SLC24A5: variants seen among roughly 807,000 people sequenced by gnomAD.
The protein encoded by SLC24A5 is solute carrier family 24 member 5.
SLC24A5 carries 46 observed loss-of-function variants against 51.6 expected under a neutral mutation model. That is an observed-to-expected ratio of 0.89 (90% confidence interval 0.70 to 1.14). The LOEUF (loss-of-function observed/expected upper bound fraction) is 1.14. Among genes scored for constraint, SLC24A5 ranks in the 50% most tolerant of loss-of-function variants. The probability of loss-of-function intolerance (pLI) is 0.00; values close to 1 mark genes in which losing one functional copy is unlikely to be tolerated. For synonymous variants in SLC24A5, 230 were observed against 214.9 expected (o/e 1.07, Z -0.62); for missense variants, 581 against 604.1 (o/e 0.96, Z 0.40).
At chr15:48,134,779 A>G in intron 4 of SLC24A5, 105 bp from the exon 5 acceptor site, 1 of 941,560 alleles carries the variant, frequency 1.1e-6, no homozygotes, top group Non-Finnish European at 1.6e-6. Flanking sequence ...TATGCAAAAG[A>G]TAACAATATT....
rs1381794462 is a variant in SLC24A5 at position 48,134,388 on chromosome 15, T to C, written c.385+47T>C. On this transcript the variant is annotated intron_variant, in intron 3 of 8. Transcript: ENST00000341459. ...TCTTGCTTACTCAGTGTGATTTTTA[T>C]TTTCTTCAAGTTAACACTAACTTAG... 2.5e-6 allele frequency: 4 copies of C among 1,610,598 alleles called. No individual in the cohort carries two copies. The Admixed American group carries it at 6.7e-5, about 27-fold the overall frequency.
Position 48,121,851 on chromosome 15 carries a change from T to G in SLC24A5, c.122-6T>G. 6.2e-7 allele frequency: 1 copy of G among 1,613,904 alleles called. No individual in the cohort carries two copies. The highest frequency in any genetic ancestry group is 1.3e-5 in the African/African-American group (1 of 75,040). Reference sequence around the variant, plus strand: ...CTTCAAACTTTCACCTCCTTTTCCTTAACAGGAAATAGCACCCAATGTGTT... The same window carrying G: ...CTTCAAACTTTCACCTCCTTTTCCTGAACAGGAAATAGCACCCAATGTGTT... On this transcript the variant is annotated splice_region_variant and splice_polypyrimidine_tract_variant and intron_variant, in intron 1 of 8. Transcript: ENST00000341459.
chr15:48,135,016 T>C (rs748790297), intron 5 of SLC24A5, 32 bp downstream of exon 5: 2 of 1,521,724 alleles, frequency 1.3e-6, no homozygotes, highest in Admixed American at 3.7e-5. Flanking sequence ...ATGTAAAAAT[T>C]AGAGATTTTA....
intron 2 of SLC24A5, chr15:48,122,308 TTGTTA>T (rs1735872419): frequency 5.2e-6 from 3 of 580,472 alleles, no homozygotes; most frequent in South Asian, 2.3e-5. Flanking sequence ...GCCTGGATGT[TTGTTA>T]TAAGAACTGT....
chr15:48,141,167 G>T lies in SLC24A5; in HGVS notation c.1133G>T (p.Gly378Val). Residue 378 changes from glycine (G) to valine (V), a missense_variant, in exon 8 of 9, where the codon GGA (glycine) becomes GTA (valine). Gly to Val is a moderately radical substitution (Grantham distance 109, BLOSUM62 -3). Transcript: ENST00000341459. ...ATGGGCCTTACTTTATTAGCAGCAG[G>T]AACAAGCATACCAGACACAATTGCA... ...TVMGLTLLAAGTSIPDTIASV... is the reference protein window; with the variant it reads ...TVMGLTLLAAVTSIPDTIASV... 6.2e-7 allele frequency: 1 copy of T among 1,613,898 alleles called. No homozygotes were observed. The highest frequency in any genetic ancestry group is 1.1e-5 in the South Asian group (1 of 91,068).
Position 48,138,973 on chromosome 15 carries a change from A to C in SLC24A5, c.876A>C (p.Pro292=). The C allele has an allele frequency of 6.2e-7, 1 of 1,611,568 alleles. No individual in the cohort carries two copies. The highest frequency in any genetic ancestry group is 8.5e-7 in the Non-Finnish European group (1 of 1,178,644). The change falls in exon 7 of 9, where the codon CCA becomes CCC. Residue 292 remains proline, a synonymous_variant. Transcript: ENST00000341459. ...TGTTTACTTTTTCCACAACAGATCC[A>C]CCAAGTGTTTTCAACATGCCTGAAG... ...LHGLSQVSED[P]PSVFNMPEAD...
At position 48,122,010 on chromosome 15, in the gene SLC24A5, T is replaced by C; in HGVS notation, c.275T>C (p.Leu92Pro). ...AISIVCDEYF[L>P]PSLEIISESL... ...TCTATTGTCTGTGATGAATACTTCC[T>C]ACCCTCCCTGGAAATCATCAGTGAA... Residue 92 changes from leucine (L) to proline (P), a missense_variant, in exon 2 of 9, where the codon CTA (leucine) becomes CCA (proline). Physicochemically the swap from Leu to Pro is moderately conservative, Grantham distance 98 (BLOSUM62 -3). Coordinates refer to ENST00000341459, the MANE Select transcript of SLC24A5 (RefSeq NM_205850.3). The C allele has an allele frequency of 3.1e-6, 5 of 1,614,208 alleles. No individual in the cohort carries two copies. The highest frequency in any genetic ancestry group is 4.2e-6 in the Non-Finnish European group (5 of 1,180,032).
rs1753228784 is a variant in SLC24A5 at position 48,142,438 on chromosome 15, A to C, written c.*87A>C. On this transcript the variant is annotated 3_prime_UTR_variant, in exon 9 of 9. Transcript: ENST00000341459. ...TTTCTTCATTTAAATCAAATTTTAA[A>C]AATCTTGAACCTTAGAATCTAAAAC... is the stretch of plus-strand genomic sequence containing the variant. 2 of 1,072,560 alleles carry C rather than the reference A, an allele frequency of 1.9e-6. No homozygotes were observed. The highest frequency in any genetic ancestry group is 4.2e-5 in the South Asian group (2 of 47,102). 66.4% of individuals were successfully genotyped at this position (1,072,560 alleles called of 1,614,324 possible).
rs915911250 is a variant in SLC24A5, at chr15:48,140,551, CATATGT to C, written c.1079-561_1079-556del. On this transcript the variant is annotated intron_variant, in intron 7 of 8. Transcript: ENST00000341459. ...AACAGAAGTATTAATAAATTGGGAC[CATATGT>C]TAGACTCAAGTAGAAAACAGGTTTT... 9.3e-4 allele frequency: 142 copies of C among 152,120 alleles called. 1 individual carries two copies. Among genetic ancestry groups the C allele is most frequent in the African/African-American group, 3.4e-3 (140 of 41,470 alleles). The allele number at this position is 152,120 out of a possible 1,614,324, so 9.4% of individuals were successfully genotyped here.
In SLC24A5 at chr15:48,125,291, T is replaced by TTA. The variant is rs761420598; in HGVS notation, c.301+3269_301+3270dup. 1.3e-3 allele frequency among the ~76,000 whole-genome samples: 190 copies of TTA among 148,452 alleles called. 3 individuals carry two copies. The highest frequency in any genetic ancestry group is 6.8e-3 in the Admixed American group (100 of 14,796). The stretch of plus-strand genomic sequence containing the variant: ...TATGGTTTATATAATATATATGATT[T>TTA]TATATATATATATATGGTTTCACTT... On this transcript the variant is annotated intron_variant, in intron 2 of 8. Coordinates refer to ENST00000341459, the MANE Select transcript of SLC24A5 (RefSeq NM_205850.3).
intron 6 of SLC24A5, chr15:48,137,810 C>T (rs1455947630): frequency 6.6e-6 from 1 of 152,064 alleles, no homozygotes; most frequent in Non-Finnish European, 1.5e-5. Flanking sequence ...AGAAAAACAG[C>T]TGAGGTTTAC....
intron 2 of SLC24A5, chr15:48,123,354 T>G (rs2140705922): frequency 6.6e-6 from 1 of 151,918 alleles, no homozygotes; most frequent in Non-Finnish European, 1.5e-5. Context: ...TAAAATCACC[T>G]GTATTTCCAT....
At position 48,139,082 on chromosome 15, in the gene SLC24A5, T is replaced by A; in HGVS notation, c.985T>A (p.Phe329Ile). 1 of 1,613,200 alleles carries A rather than the reference T, an allele frequency of 6.2e-7. No individual in the cohort carries two copies. Among genetic ancestry groups the A allele is most frequent in the Non-Finnish European group, 8.5e-7 (1 of 1,179,380 alleles). The change falls in exon 7 of 9, where the codon TTT becomes ATT. Residue 329 changes from phenylalanine to isoleucine, a missense_variant. Transcript: ENST00000341459. ...FLTTPDCRKK[F>I]WKNYFVITFF... ...AACCACACCAGATTGTAGAAAAAAG[T>A]TTTGGAAAAACTACTTTGTGATAAC...
rs1459978413 is a variant in SLC24A5, at chr15:48,136,915, T to C, written c.823T>C (p.Tyr275His). 1.2e-6 allele frequency: 2 copies of C among 1,613,850 alleles called. No homozygotes were observed. The highest frequency in any genetic ancestry group is 2.2e-5 in the South Asian group (2 of 91,062). ...TGGAATATTTTATGAAGATTCTGGC[T>C]ACTCTCAGCTCTCTATAAGTTTACA... ...DSGIFYEDSGYSQLSISLHGL... is the reference protein window; with the variant it reads ...DSGIFYEDSGHSQLSISLHGL... Residue 275 changes from tyrosine to histidine, a missense_variant, in exon 6 of 9, where the codon TAC (tyrosine) becomes CAC (histidine). Coordinates refer to ENST00000341459, the MANE Select transcript of SLC24A5 (RefSeq NM_205850.3).
chr15:48,133,432 CTTAA>C (rs1238661875), intron 2 of SLC24A5, among the ~76,000 whole-genome samples: 1 of 152,036 alleles, frequency 6.6e-6, no homozygotes, highest in African/African-American at 2.4e-5. Flanking sequence ...CAAAAAACTT[CTTAA>C]TTTAGTGACT....
intron 5 of SLC24A5, 197 bp from the exon 6 acceptor site, chr15:48,136,486 T>C: frequency 2.3e-6 from 1 of 426,586 alleles, no homozygotes; most frequent in Non-Finnish European, 4.0e-6. Flanking sequence ...AACACAGAAG[T>C]GTCCAGCTTT....
At chr15:48,128,572 G>A (rs1396775057) in intron 2 of SLC24A5, among the ~76,000 whole-genome samples, 1 of 152,134 alleles carries the variant, frequency 6.6e-6, no homozygotes, top group Non-Finnish European at 1.5e-5. Flanking sequence ...CTGTGAGTAT[G>A]GCATTTGGAT....
At chr15:48,141,798 A>G (rs937577883) in intron 8 of SLC24A5, 1 of 306,556 alleles carries the variant, frequency 3.3e-6, no homozygotes, top group African/African-American at 2.2e-5. Context: ...TAAGCTATAT[A>G]CCTTATTGAA....
chr15:48,125,142 T>G (rs2038717661), intron 2 of SLC24A5, among the ~76,000 whole-genome samples: 1 of 152,092 alleles, frequency 6.6e-6, no homozygotes, highest in African/African-American at 2.4e-5. Flanking sequence ...TTTTGTCAAC[T>G]AATAGTTATC....
Sources: gnomAD v4.1 joint callset for allele counts (sites outside exome capture counted in the v4.1 genomes callset) on GRCh38, gnomAD v4.1.1 for gene constraint, MANE v1.5 for transcripts, NCBI Gene and HGNC (gene_info 2026-07-23, HGNC 2026-07-21) for gene names.